The following BANK1 variants were observed in gnomAD, a reference collection of about 807,000 sequenced individuals.
The protein encoded by BANK1 is B-cell scaffold protein with ankyrin repeats.
In BANK1, 95 loss-of-function variants were observed where a neutral mutation model predicts 94.5. The ratio of observed to expected loss-of-function variants is 1.00; its 90% CI spans 0.85 to 1.19. The LOEUF is 1.19. BANK1 is among the 50% of genes most tolerant of loss of function. BANK1 has a pLI of 0.00. For missense variants in BANK1, 987 were observed against 932.2 expected (o/e 1.06, Z -0.77); for synonymous variants, 334 against 308.4 (o/e 1.08, Z -0.87).
chr4:101,800,769 T>A (rs1725332180), intron 1 of BANK1, among the ~76,000 whole-genome samples: 1 of 152,198 alleles, frequency 6.6e-6, no homozygotes, highest in South Asian at 2.1e-4. Context: ...ATTTTTCAAA[T>A]TTTTTGAGAT....
Position 102,030,159 on chromosome 4 carries a change from G to GA in BANK1, c.1801dup (p.Thr601AsnfsTer10), listed in dbSNP as rs767996255. 6.2e-7 allele frequency: 1 copy of GA among 1,613,926 alleles called. No homozygotes were observed. The highest frequency in any genetic ancestry group is 1.1e-5 in the South Asian group (1 of 91,058). On this transcript the variant is annotated frameshift_variant, in exon 10 of 17. Transcript: ENST00000322953. LOFTEE classifies it high-confidence loss of function. ...TGATATTGGCCAATCTGAGTATAAA[G>GA]AAAAAAACTGGGAGTCGGTCTTTCA...
chr4:101,977,842 T>C (rs1474904316), intron 7 of BANK1, among the ~76,000 whole-genome samples: 1 of 152,176 alleles, frequency 6.6e-6, no homozygotes, highest in Non-Finnish European at 1.5e-5. Context: ...CCTGATTCTA[T>C]TTAGTGTGCA....
At chr4:101,850,698 C>T (rs1413434983) in intron 2 of BANK1, among the ~76,000 whole-genome samples, 4 of 152,122 alleles carry the variant, frequency 2.6e-5, no homozygotes, top group Non-Finnish European at 4.4e-5. Flanking sequence ...ATGCACTTGC[C>T]TCATGTTTCT....
At chr4:102,072,241 C>T in intron 14 of BANK1, 104 bp from the exon 15 acceptor site, 2 of 973,406 alleles carry the variant, frequency 2.1e-6, no homozygotes, top group East Asian at 5.0e-5. Flanking sequence ...TTTCTTTTCA[C>T]CCATATCTTA....
chr4:101,932,484 T>C (rs925799205), intron 7 of BANK1, among the ~76,000 whole-genome samples: 3 of 151,504 alleles, frequency 2.0e-5, no homozygotes, highest in Non-Finnish European at 3.0e-5. Context: ...TATTTATATG[T>C]AAAAATTTTA....
chr4:102,049,321 C>A (rs1727975790), intron 11 of BANK1, among the ~76,000 whole-genome samples: 1 of 152,144 alleles, frequency 6.6e-6, no homozygotes, highest in African/African-American at 2.4e-5. Context: ...AAATATCTGG[C>A]TAATTTTCCT....
intron 7 of BANK1, among the ~76,000 whole-genome samples, chr4:102,007,146 T>TATATATATATATATATATATATATATATA (rs1560682317): frequency 5.5e-4 from 21 of 38,032 alleles, no homozygotes; most frequent in Non-Finnish European, 1.0e-3. Flanking sequence ...AAAATATATT[T>TATATATATATATATATATATATATATATA]TATATATATA....
chr4:102,058,940 G>C (rs1728324833), intron 11 of BANK1, among the ~76,000 whole-genome samples: 1 of 152,164 alleles, frequency 6.6e-6, no homozygotes, highest in African/African-American at 2.4e-5. Flanking sequence ...CCATGTCCCT[G>C]TTCCAAGATT....
chr4:102,049,432 C>A (rs577284034), intron 11 of BANK1, among the ~76,000 whole-genome samples: 1 of 152,196 alleles, frequency 6.6e-6, no homozygotes, highest in East Asian at 1.9e-4. Context: ...CCCATCTTAC[C>A]GTGGATATGA....
chr4:102,031,979 T>C (rs957421637), intron 10 of BANK1, among the ~76,000 whole-genome samples: 5 of 152,186 alleles, frequency 3.3e-5, no homozygotes, highest in African/African-American at 1.2e-4. Context: ...ATCAACTGTT[T>C]CAGCTGAAAT....
At chr4:101,935,081 C>T (rs1313984403) in intron 7 of BANK1, among the ~76,000 whole-genome samples, 1 of 151,424 alleles carries the variant, frequency 6.6e-6, no homozygotes, top group Non-Finnish European at 1.5e-5. Context: ...CCTCATGGTA[C>T]CCTTTATTGT....
intron 5 of BANK1, among the ~76,000 whole-genome samples, chr4:101,872,955 T>A (rs1383789826): frequency 6.7e-6 from 1 of 148,354 alleles, no homozygotes; most frequent in Non-Finnish European, 1.5e-5. Flanking sequence ...GCCACAGCAC[T>A]CCAGCCTGGG....
At chr4:101,878,702 G>A (rs1004342976) in intron 5 of BANK1, among the ~76,000 whole-genome samples, 2 of 152,030 alleles carry the variant, frequency 1.3e-5, no homozygotes, top group African/African-American at 4.8e-5. Context: ...CATATGTTAG[G>A]TCACAAAACA....
At chr4:101,857,283 C>T (rs1404404799) in intron 3 of BANK1, among the ~76,000 whole-genome samples, 1 of 152,136 alleles carries the variant, frequency 6.6e-6, no homozygotes, top group Admixed American at 6.6e-5. Context: ...TGATTCATAC[C>T]CAGTATCTTC....
chr4:101,843,493 A>G (rs561325068), intron 2 of BANK1, among the ~76,000 whole-genome samples: 29 of 152,252 alleles, frequency 1.9e-4, no homozygotes. Context: ...CTTTATTATT[A>G]TATTCAAATG....
chr4:101,944,254 T>C (rs1723857729), intron 7 of BANK1, among the ~76,000 whole-genome samples: 1 of 151,906 alleles, frequency 6.6e-6, no homozygotes, highest in Admixed American at 6.6e-5. Context: ...AAACTCACCA[T>C]TTACAAGGGT....
chr4:101,910,220 T>C (rs568974609), intron 6 of BANK1, among the ~76,000 whole-genome samples: 3 of 152,332 alleles, frequency 2.0e-5, no homozygotes, highest in Admixed American at 2.0e-4. Flanking sequence ...TTTACATTTC[T>C]CACAAATTTT....
At chr4:101,907,310 G>T (rs755077945) in intron 6 of BANK1, among the ~76,000 whole-genome samples, 2 of 152,156 alleles carry the variant, frequency 1.3e-5, no homozygotes, top group Non-Finnish European at 2.9e-5. Flanking sequence ...AAACCACATG[G>T]TTATCTCAAT....
At chr4:101,983,043 G>C (rs1166335745) in intron 7 of BANK1, among the ~76,000 whole-genome samples, 1 of 151,756 alleles carries the variant, frequency 6.6e-6, no homozygotes, top group Non-Finnish European at 1.5e-5. Flanking sequence ...CATTTCCCAA[G>C]GCGCAGTATA....
Sources: allele counts gnomAD v4.1 joint callset (sites outside exome capture counted in the v4.1 genomes callset), GRCh38; gene constraint gnomAD v4.1.1; transcripts MANE v1.5; gene names NCBI Gene and HGNC (gene_info 2026-07-23, HGNC 2026-07-21).